The following ELAPOR2 variants were observed in gnomAD, a reference collection of about 807,000 sequenced individuals.
ELAPOR2 encodes endosome-lysosome associated apoptosis and autophagy regulator family member 2.
Under a neutral mutation model 120.7 loss-of-function variants are expected in ELAPOR2, and 89 were observed. The ratio of observed to expected loss-of-function variants is 0.74; its 90% CI spans 0.62 to 0.88. The LOEUF (loss-of-function observed/expected upper bound fraction) is 0.88. ELAPOR2 is among the 40% of genes least tolerant of loss of function. ELAPOR2 has a pLI of 0.00. For synonymous variants in ELAPOR2, 444 were observed against 444.9 expected (o/e 1.00, Z 0.03); for missense variants, 1,134 against 1,251.6 (o/e 0.91, Z 1.42).
At chr7:86,906,609 T>A (rs967324991) in intron 18 of ELAPOR2, among the ~76,000 whole-genome samples, 2 of 152,126 alleles carry the variant, frequency 1.3e-5, no homozygotes, top group African/African-American at 4.8e-5. Flanking sequence ...ACTGTGAAAC[T>A]ATCAAAAACA....
At chr7:87,011,249 C>CAAA (rs772971682) in intron 1 of ELAPOR2, among the ~76,000 whole-genome samples, 1 of 52,976 alleles carries the variant, frequency 1.9e-5, no homozygotes, top group African/African-American at 5.5e-5. Flanking sequence ...GACTCCATCT[C>CAAA]AAAAAAAAAA....
chr7:86,978,296 C>T (rs1287127740), intron 1 of ELAPOR2, among the ~76,000 whole-genome samples: 1 of 152,176 alleles, frequency 6.6e-6, no homozygotes, highest in East Asian at 1.9e-4. Flanking sequence ...TCAATTAAAC[C>T]TTTTTCCTTT....
chr7:87,046,598 G>T (rs570281173), intron 1 of ELAPOR2, among the ~76,000 whole-genome samples: 14 of 152,270 alleles, frequency 9.2e-5, no homozygotes, highest in African/African-American at 2.4e-4. Flanking sequence ...AGGGAGGGAG[G>T]TGATTTGATC....
intron 1 of ELAPOR2, among the ~76,000 whole-genome samples, chr7:87,022,730 T>A (rs1418479633): frequency 6.6e-6 from 1 of 150,770 alleles, no homozygotes; most frequent in Non-Finnish European, 1.5e-5. Flanking sequence ...CCACATCCTC[T>A]CCAGCACCTG....
Position 86,880,123 on chromosome 7 carries a change from G to C in ELAPOR2, c.*348C>G, listed in dbSNP as rs1407004047. ...CCTTCCAAATCACACTTGTTATGTA[G>C]ACATCATAAAGAATAAAAGTTACCC... On this transcript the variant is annotated 3_prime_UTR_variant, in exon 22 of 22. Coordinates refer to ENST00000450689, the MANE Select transcript of ELAPOR2 (RefSeq NM_001142749.3). 1 of 218,964 alleles carries C rather than the reference G, an allele frequency of 4.6e-6. No individual in the cohort carries two copies. The highest frequency in any genetic ancestry group is 5.8e-5 in the Admixed American group (1 of 17,370). 13.6% of individuals were successfully genotyped at this position (218,964 alleles called of 1,614,324 possible). A position where few individuals can be genotyped will look rare whatever the true frequency, so the allele number is the denominator to read the frequency against.
rs1050758064 is a variant in ELAPOR2, at chr7:86,909,853, G to A, written c.2318C>T (p.Ala773Val). The A allele has an allele frequency of 3.1e-6, 5 of 1,612,952 alleles. No homozygotes were observed. In the South Asian group the frequency reaches 5.5e-5, roughly 18 times the overall value. Reference sequence around the variant, plus strand: ...CAGAATGATGGATTGTGATGATAAGGCTGCTCGGAAACCCTTACTTTCAGA... The same window carrying A: ...CAGAATGATGGATTGTGATGATAAGACTGCTCGGAAACCCTTACTTTCAGA... ...IPSESKGFRA[A>V]LSSQSIILAD... Residue 773 changes from alanine (A) to valine (V), a missense_variant, in exon 16 of 22, where the codon GCC (alanine) becomes GTC (valine). This residue lies in a region of ELAPOR2 where 831 missense variants were observed against 867.6 expected (regional missense o/e 0.96). Transcript: ENST00000450689.
chr7:87,058,414 A>G (rs1453794572), intron 1 of ELAPOR2, among the ~76,000 whole-genome samples: 1 of 152,246 alleles, frequency 6.6e-6, no homozygotes, highest in Non-Finnish European at 1.5e-5. Flanking sequence ...CAATCAAAGT[A>G]GGTCAGAAAT....
At chr7:86,983,230 C>A (rs371998343) in intron 1 of ELAPOR2, among the ~76,000 whole-genome samples, 1 of 152,188 alleles carries the variant, frequency 6.6e-6, no homozygotes, top group Non-Finnish European at 1.5e-5. Context: ...CTGAAAGTGA[C>A]GGGCAGAATG....
intron 1 of ELAPOR2, among the ~76,000 whole-genome samples, chr7:87,026,165 T>C (rs888507199): frequency 1.3e-5 from 2 of 151,868 alleles, no homozygotes; most frequent in African/African-American, 2.4e-5. Flanking sequence ...GCTGGAAGAG[T>C]TGTGATTTCA....
At chr7:87,058,742 A>G (rs972995152) in intron 1 of ELAPOR2, among the ~76,000 whole-genome samples, 2 of 152,108 alleles carry the variant, frequency 1.3e-5, no homozygotes, top group Non-Finnish European at 2.9e-5. Flanking sequence ...TACCAAGTAC[A>G]TACTCCTTTT....
At chr7:87,039,962 C>T (rs142090309) in intron 1 of ELAPOR2, among the ~76,000 whole-genome samples, 2 of 151,844 alleles carry the variant, frequency 1.3e-5, no homozygotes, top group African/African-American at 2.4e-5. Flanking sequence ...ACTCGGGAAG[C>T]GCAAGGGGTC....
At chr7:87,028,182 G>A (rs894261708) in intron 1 of ELAPOR2, among the ~76,000 whole-genome samples, 1 of 152,066 alleles carries the variant, frequency 6.6e-6, no homozygotes, top group African/African-American at 2.4e-5. Flanking sequence ...TGTTCTCACT[G>A]TGTTGCCTCC....
chr7:86,886,255 A>C (rs936194285), intron 21 of ELAPOR2, among the ~76,000 whole-genome samples: 1 of 152,152 alleles, frequency 6.6e-6, no homozygotes, highest in East Asian at 1.9e-4. Context: ...TGACTCTGCT[A>C]TTGGGACAGT....
At chr7:86,976,491 T>C (rs1280905271) in intron 1 of ELAPOR2, among the ~76,000 whole-genome samples, 3 of 152,154 alleles carry the variant, frequency 2.0e-5, no homozygotes, top group African/African-American at 7.2e-5. Context: ...TGAACTACAA[T>C]ATAAACCACT....
intron 21 of ELAPOR2, among the ~76,000 whole-genome samples, chr7:86,885,149 T>A (rs1446371811): frequency 6.6e-6 from 1 of 152,190 alleles, no homozygotes; most frequent in Non-Finnish European, 1.5e-5. Context: ...AACCAGGAAT[T>A]ACATTAAACA....
intron 1 of ELAPOR2, among the ~76,000 whole-genome samples, chr7:87,043,633 T>C (rs1235712460): frequency 1.4e-5 from 2 of 146,998 alleles, no homozygotes; most frequent in Non-Finnish European, 3.0e-5. Flanking sequence ...GAGCTATCTA[T>C]GACAAACCCA....
At chr7:86,889,377 C>T (rs887658317) in intron 21 of ELAPOR2, among the ~76,000 whole-genome samples, 6 of 151,518 alleles carry the variant, frequency 4.0e-5, no homozygotes, top group African/African-American at 1.2e-4. Flanking sequence ...CAGTACCCCC[C>T]ACCCTATTCC....
At chr7:86,957,523 T>A (rs1279188878) in intron 2 of ELAPOR2, among the ~76,000 whole-genome samples, 5 of 152,198 alleles carry the variant, frequency 3.3e-5, no homozygotes, top group South Asian at 2.1e-4. Context: ...GTCATTTTTT[T>A]CCTAATACCA....
chr7:87,019,823 A>G (rs1286194489), intron 1 of ELAPOR2, among the ~76,000 whole-genome samples: 1 of 152,192 alleles, frequency 6.6e-6, no homozygotes, highest in African/African-American at 2.4e-5. Context: ...GTAGTATTCT[A>G]TATAAAGGGA....
Sources: gnomAD v4.1 joint callset for allele counts (sites outside exome capture counted in the v4.1 genomes callset) on GRCh38, gnomAD v4.1.1 for gene constraint, gnomAD v4.1.1 regional missense constraint, MANE v1.5 for transcripts, NCBI Gene and HGNC (gene_info 2026-07-23, HGNC 2026-07-21) for gene names.